Variants in C10orf90 observed in about 807,000 individuals in gnomAD.
The protein encoded by C10orf90 is chromosome 10 open reading frame 90.
A neutral mutation model predicts 62.5 loss-of-function variants in C10orf90; 56 were observed. The ratio of observed to expected loss-of-function variants is 0.90; its 90% confidence interval spans 0.72 to 1.12. The LOEUF is 1.12. C10orf90 is among the 50% of genes most tolerant of loss of function. The probability of loss-of-function intolerance (pLI) is 0.00; values close to 1 mark genes in which losing one functional copy is unlikely to be tolerated. For synonymous variants in C10orf90, 386 were observed against 340.4 expected (o/e 1.13, Z -1.47); for missense variants, 970 against 880.4 (o/e 1.10, Z -1.29).
intron 4 of C10orf90, among the ~76,000 whole-genome samples, chr10:126,492,218 G>T (rs1203393784): frequency 6.6e-6 from 1 of 152,174 alleles, no homozygotes; most frequent in East Asian, 1.9e-4. Flanking sequence ...ATTTGCCAGT[G>T]CCTGGAGACA....
At chr10:126,653,871 G>A (rs1224585144) in intron 1 of C10orf90, among the ~76,000 whole-genome samples, 4 of 152,212 alleles carry the variant, frequency 2.6e-5, no homozygotes, top group Admixed American at 2.0e-4. Flanking sequence ...TGGATGTTGT[G>A]TTAGGCATGA....
chr10:126,594,280 C>T (rs1370107), intron 2 of C10orf90, among the ~76,000 whole-genome samples: 3 of 151,848 alleles, frequency 2.0e-5, no homozygotes, highest in Non-Finnish European at 4.4e-5. Flanking sequence ...AGAGACAAAT[C>T]GTGTGTCTGT....
At chr10:126,499,348 AT>A (rs1862252276) in intron 4 of C10orf90, among the ~76,000 whole-genome samples, 2 of 152,090 alleles carry the variant, frequency 1.3e-5, no homozygotes, top group Non-Finnish European at 2.9e-5. Context: ...CCAAACACAT[AT>A]TTTCAATCTG....
chr10:126,658,779 T>C (rs2133868337), intron 1 of C10orf90, among the ~76,000 whole-genome samples: 1 of 152,294 alleles, frequency 6.6e-6, no homozygotes, highest in East Asian at 1.9e-4. Context: ...GATTGATTGA[T>C]TGAAATGGGG....
chr10:126,522,270 A>AAAAC (rs113351479), intron 2 of C10orf90, among the ~76,000 whole-genome samples: 134,094 of 151,282 alleles, frequency 0.89, 59,619 homozygotes, highest in African/African-American at 0.96. Flanking sequence ...CTCCATTTCA[A>AAAAC]AAACAAACAA....
chr10:126,646,305 G>A (rs1046256822), intron 2 of C10orf90, among the ~76,000 whole-genome samples: 7 of 152,258 alleles, frequency 4.6e-5, no homozygotes, highest in Admixed American at 3.9e-4. Context: ...CATGCTCCAC[G>A]CTCTGCAGGG....
intron 2 of C10orf90, among the ~76,000 whole-genome samples, chr10:126,514,289 A>T (rs1251195864): frequency 2.0e-5 from 3 of 152,318 alleles, no homozygotes; most frequent in Non-Finnish European, 4.4e-5. Context: ...AGATGTCCCA[A>T]CATCACTAGA....
At position 126,501,940 on chromosome 10, in the gene C10orf90, T is replaced by A. The variant is rs1340661338; in HGVS notation, c.1534+2017A>T. Among the ~76,000 whole-genome samples the A allele has an allele frequency of 3.3e-5, 5 of 150,704 alleles. No homozygotes were observed. In the East Asian group the frequency reaches 5.9e-4, roughly 18 times the overall value. On this transcript the variant is annotated intron_variant, in intron 4 of 9. Transcript: ENST00000488181. ...GGAGGGTGAGAGGTGGGCCTAGGGA[T>A]AAACACACACACACACACCACATAT...
At chr10:126,620,879 G>A (rs1845631472) in intron 2 of C10orf90, among the ~76,000 whole-genome samples, 1 of 152,276 alleles carries the variant, frequency 6.6e-6, no homozygotes, top group East Asian at 1.9e-4. Context: ...GTTCCAACTA[G>A]CTCAACAACT....
At chr10:126,457,986 T>C (rs780410996) in intron 7 of C10orf90, among the ~76,000 whole-genome samples, 3 of 152,150 alleles carry the variant, frequency 2.0e-5, no homozygotes, top group Non-Finnish European at 4.4e-5. Context: ...AGCAGGTGTC[T>C]TGTCAAATAT....
intron 2 of C10orf90, among the ~76,000 whole-genome samples, chr10:126,588,219 GGGGGAAGGGTGACGGCAGTCTCTGT>G (rs1279325095): frequency 6.6e-6 from 1 of 152,220 alleles, no homozygotes; most frequent in Non-Finnish European, 1.5e-5. Flanking sequence ...AGAGTCCCCA[GGGGGAAGGGTGACGGCAGTCTCTGT>G]GGTTCAGATG....
intron 2 of C10orf90, among the ~76,000 whole-genome samples, chr10:126,536,927 AC>A (rs1864253078): frequency 6.6e-6 from 1 of 152,174 alleles, no homozygotes; most frequent in Admixed American, 6.5e-5. Flanking sequence ...CAATAGGAAC[AC>A]CTGAGATTAA....
intron 4 of C10orf90, among the ~76,000 whole-genome samples, chr10:126,466,207 T>A (rs1860275373): frequency 6.6e-6 from 1 of 152,014 alleles, no homozygotes; most frequent in Non-Finnish European, 1.5e-5. Flanking sequence ...TTCCTGTGTG[T>A]TGGGACAGAA....
intron 4 of C10orf90, among the ~76,000 whole-genome samples, chr10:126,500,919 G>A (rs533561509): frequency 6.6e-6 from 1 of 152,116 alleles, no homozygotes; most frequent in African/African-American, 2.4e-5. Flanking sequence ...TTGTAGAATT[G>A]CCCAGGCTGT....
chr10:126,461,270 G>A (rs1162667263), intron 6 of C10orf90, 131 bp downstream of exon 6: 1 of 1,062,224 alleles, frequency 9.4e-7, no homozygotes. Flanking sequence ...GACCTGCCCA[G>A]TCACACAGCT....
At chr10:126,646,912 C>T (rs1003161612) in intron 1 of C10orf90, among the ~76,000 whole-genome samples, 1 of 152,046 alleles carries the variant, frequency 6.6e-6, no homozygotes, top group African/African-American at 2.4e-5. Flanking sequence ...ATTGATTTTG[C>T]CGTGGATTTG....
chr10:126,620,592 A>C (rs539092612), intron 2 of C10orf90, among the ~76,000 whole-genome samples: 102 of 152,178 alleles, frequency 6.7e-4, no homozygotes, highest in Non-Finnish European at 1.3e-3. Context: ...GTATTTCTTG[A>C]ACATTATTTC....
rs112223923 is a variant in C10orf90, at chr10:126,619,255, T to C, written c.313+27310A>G. Among the ~76,000 whole-genome samples the C allele has an allele frequency of 4.3e-3, 653 of 152,336 alleles. 4 individuals carry two copies. The highest frequency in any genetic ancestry group is 0.014 in the Middle Eastern group (4 of 294). On this transcript the variant is annotated intron_variant, in intron 2 of 9. Transcript: ENST00000488181. ...GCCTATTCAGAATAACTGTCATGGA[T>C]AGTCTTATGCACGCCCTCCAGGACA... is the stretch of plus-strand genomic sequence containing the variant.
intron 2 of C10orf90, among the ~76,000 whole-genome samples, chr10:126,533,267 G>C (rs1864152788): frequency 6.6e-6 from 1 of 152,074 alleles, no homozygotes; most frequent in South Asian, 2.1e-4. Flanking sequence ...CATCAACCCA[G>C]TGGGACTTTC....
Sources: gnomAD v4.1 joint callset for allele counts (sites outside exome capture counted in the v4.1 genomes callset) on GRCh38, gnomAD v4.1.1 for gene constraint, MANE v1.5 for transcripts, NCBI Gene and HGNC (gene_info 2026-07-23, HGNC 2026-07-21) for gene names.